Variants in ZNF705A observed in about 807,000 individuals in gnomAD.
The protein encoded by ZNF705A is zinc finger protein 705A.
Under a neutral mutation model 16.6 loss-of-function variants are expected in ZNF705A, and 8 were observed. The observed-to-expected ratio is 0.48, with a 90% CI of 0.28 to 0.87. The LOEUF (loss-of-function observed/expected upper bound fraction) is 0.87. ZNF705A is among the 40% of genes least tolerant of loss of function. ZNF705A has a pLI of 0.10. For missense variants in ZNF705A, 233 were observed against 359.9 expected (o/e 0.65, Z 2.85); for synonymous variants, 73 against 117.3 (o/e 0.62, Z 2.44).
At chr12:8,161,336 T>C (rs780853029) in intron 1 of ZNF705A, among the ~76,000 whole-genome samples, 1 of 152,234 alleles carries the variant, frequency 6.6e-6, no homozygotes, top group Admixed American at 6.5e-5. Flanking sequence ...CTAGGAAGGG[T>C]TCCCTCTTTC....
chr12:8,173,905 T>C (rs1428537091), intron 1 of ZNF705A, among the ~76,000 whole-genome samples: 1 of 152,214 alleles, frequency 6.6e-6, no homozygotes, highest in African/African-American at 2.4e-5. Flanking sequence ...ATTAGAGAAA[T>C]AGTTTATTTC....
At position 8,163,139 on chromosome 12, in the gene ZNF705A, T is replaced by C. The variant is rs1348420173; in HGVS notation, c.-72+6047T>C. 2.0e-5 allele frequency among the ~76,000 whole-genome samples: 3 copies of C among 152,130 alleles called. No individual in the cohort carries two copies. The South Asian group carries it at 6.2e-4, about 32-fold the overall frequency. On this transcript the variant is annotated intron_variant, in intron 1 of 5. Transcript: ENST00000396570. ...CTAGATCTCTAGATCTATTACTAAC[T>C]GGAGGTATGGATATAGTCAGGAAAA...
intron 1 of ZNF705A, among the ~76,000 whole-genome samples, chr12:8,158,783 GACT>G (rs1228346810): frequency 6.6e-6 from 1 of 151,812 alleles, no homozygotes; most frequent in Non-Finnish European, 1.5e-5. Context: ...TCCTTTCCCT[GACT>G]ACTTTTAAGA....
intron 1 of ZNF705A, among the ~76,000 whole-genome samples, chr12:8,159,360 G>A (rs1948334675): frequency 1.3e-5 from 2 of 152,074 alleles, no homozygotes; most frequent in South Asian, 4.1e-4. Context: ...TCAAATTATA[G>A]TTCTACTTTT....
intron 1 of ZNF705A, among the ~76,000 whole-genome samples, chr12:8,165,160 T>C (rs1281916949): frequency 6.6e-6 from 1 of 152,204 alleles, no homozygotes; most frequent in Non-Finnish European, 1.5e-5. Context: ...TCAGGTGATA[T>C]TTCATGGTGG....
exon 4 of ZNF705A, chr12:8,175,912 C>T: frequency 6.2e-7 from 1 of 1,611,510 alleles, no homozygotes; most frequent in Non-Finnish European, 8.5e-7. Flanking sequence ...ATCCTATCAC[C>T]AGAAAAGACG....
chr12:8,172,500 G>T (rs886467225), upstream of ZNF705A: 13 of 1,322,632 alleles, frequency 9.8e-6, no homozygotes, highest in South Asian at 1.5e-4. Flanking sequence ...TTCATCGGTT[G>T]ATCTGAAAAT....
At chr12:8,157,865 A>G (rs777023437) in intron 1 of ZNF705A, among the ~76,000 whole-genome samples, 75 of 152,298 alleles carry the variant, frequency 4.9e-4, no homozygotes, top group African/African-American at 1.7e-3. Flanking sequence ...CAGGAAGAAC[A>G]GACCCAAATA....
intron 1 of ZNF705A, among the ~76,000 whole-genome samples, chr12:8,164,331 A>G (rs964731188): frequency 2.0e-5 from 3 of 152,248 alleles, no homozygotes; most frequent in African/African-American, 4.8e-5. Context: ...GTGAAATCAT[A>G]TAGTAATTGT....
intron 1 of ZNF705A, among the ~76,000 whole-genome samples, chr12:8,158,010 G>T (rs775102034): frequency 3.3e-5 from 5 of 152,086 alleles, no homozygotes; most frequent in Non-Finnish European, 5.9e-5. Context: ...ACTGATTAGT[G>T]ATTGGCTATA....
intron 1 of ZNF705A, among the ~76,000 whole-genome samples, 197 bp from the exon 3 acceptor site, chr12:8,174,129 A>G (rs1157258023): frequency 2.0e-5 from 3 of 152,218 alleles, no homozygotes; most frequent in African/African-American, 7.2e-5. Context: ...AGTAAAGTTT[A>G]ATGGATTCAG....
exon 5 of ZNF705A, chr12:8,177,853 C>T (rs1412366337): frequency 3.5e-6 from 2 of 566,630 alleles, no homozygotes; most frequent in Non-Finnish European, 6.2e-6. Context: ...ATGGAAGATA[C>T]TTCAGTTACC....
At chr12:8,170,058 G>A (rs1169024719), upstream of ZNF705A, among the ~76,000 whole-genome samples, 1 of 152,016 alleles carries the variant, frequency 6.6e-6, no homozygotes, top group Admixed American at 6.5e-5. Context: ...GCACGATGGC[G>A]CATGCCTGTC....
intron 1 of ZNF705A, among the ~76,000 whole-genome samples, chr12:8,157,998 A>G (rs1451782638): frequency 6.6e-6 from 1 of 152,098 alleles, no homozygotes; most frequent in Non-Finnish European, 1.5e-5. Flanking sequence ...CACAGAAATA[A>G]CACTGATTAG....
chr12:8,174,669 T>A (rs1948471323), intron 2 of ZNF705A, among the ~76,000 whole-genome samples: 4 of 152,230 alleles, frequency 2.6e-5, no homozygotes, highest in African/African-American at 7.2e-5. Context: ...GAATGTAGTC[T>A]TGACAAGGAT....
At chr12:8,161,055 A>T (rs1381857712) in intron 1 of ZNF705A, among the ~76,000 whole-genome samples, 1 of 152,130 alleles carries the variant, frequency 6.6e-6, no homozygotes, top group Non-Finnish European at 1.5e-5. Flanking sequence ...GATTTTGTCA[A>T]ATGCTTTTTC....
chr12:8,161,579 G>A (rs1398642258), intron 1 of ZNF705A, among the ~76,000 whole-genome samples: 1 of 152,052 alleles, frequency 6.6e-6, no homozygotes, highest in Non-Finnish European at 1.5e-5. Context: ...TCTAGTTTAT[G>A]TGCATAAAGG....
chr12:8,169,362 A>G (rs187311689), upstream of ZNF705A, among the ~76,000 whole-genome samples: 393 of 152,322 alleles, frequency 2.6e-3, 5 homozygotes, highest in Non-Finnish European at 1.7e-3. Flanking sequence ...TGTCAAGATA[A>G]TAGGATTTTC....
chr12:8,169,346 C>T (rs1458874275), upstream of ZNF705A, among the ~76,000 whole-genome samples: 1 of 152,160 alleles, frequency 6.6e-6, no homozygotes, highest in African/African-American at 2.4e-5. Flanking sequence ...GAGAGGCTTG[C>T]AATCCTGTCA....
Sources: allele counts gnomAD v4.1 joint callset (sites outside exome capture counted in the v4.1 genomes callset), GRCh38; gene constraint gnomAD v4.1.1; transcripts MANE v1.5; gene names NCBI Gene and HGNC (gene_info 2026-07-23, HGNC 2026-07-21).